The following RIMS1 variants were observed in gnomAD, a reference collection of about 807,000 sequenced individuals.
RIMS1 encodes regulating synaptic membrane exocytosis 1, also known as regulating synaptic membrane exocytosis protein 1.
A neutral mutation model predicts 214.1 loss-of-function variants in RIMS1; 83 were observed. The ratio of observed to expected loss-of-function variants is 0.39; its 90% CI spans 0.32 to 0.47. The LOEUF is 0.47. RIMS1 is among the 20% of genes least tolerant of loss of function. The pLI, the probability that RIMS1 is intolerant of heterozygous loss-of-function variation, is 0.99. For synonymous variants in RIMS1, 793 were observed against 786.8 expected, an observed-to-expected ratio of 1.01 and a Z score of -0.13; for missense variants, 2,050 against 2,161.8, an observed-to-expected ratio of 0.95 and a Z score of 1.03.
At chr6:71,979,065 T>C (rs181465382) in intron 2 of RIMS1, among the ~76,000 whole-genome samples, 2 of 152,226 alleles carry the variant, frequency 1.3e-5, no homozygotes, top group African/African-American at 4.8e-5. Flanking sequence ...CAAAGCCCCT[T>C]GTTCTGCCAT....
chr6:71,995,652 C>T (rs1024307275), intron 2 of RIMS1, among the ~76,000 whole-genome samples: 2 of 152,132 alleles, frequency 1.3e-5, no homozygotes, highest in Non-Finnish European at 2.9e-5. Context: ...AGTCCAACAT[C>T]AGTTTCTTCT....
chr6:72,201,856 T>C (rs1309191541), intron 6 of RIMS1, among the ~76,000 whole-genome samples: 2 of 152,200 alleles, frequency 1.3e-5, no homozygotes, highest in Non-Finnish European at 2.9e-5. Context: ...TGCCCAAGTC[T>C]TCAGAACTGA....
chr6:72,300,334 G>A (rs1198184748), intron 26 of RIMS1, among the ~76,000 whole-genome samples: 1 of 151,782 alleles, frequency 6.6e-6, no homozygotes, highest in South Asian at 2.1e-4. Flanking sequence ...TCTAACCATG[G>A]ACAGGCTCTT....
intron 22 of RIMS1, among the ~76,000 whole-genome samples, chr6:72,270,861 C>T (rs1478775427): frequency 1.3e-5 from 2 of 152,144 alleles, no homozygotes; most frequent in African/African-American, 2.4e-5. Context: ...TGAGGAAAGG[C>T]TTACTTGAAT....
intron 29 of RIMS1, among the ~76,000 whole-genome samples, chr6:72,384,598 G>C (rs2098553011): frequency 6.6e-6 from 1 of 152,056 alleles, no homozygotes; most frequent in Non-Finnish European, 1.5e-5. Flanking sequence ...TGACAGTCCT[G>C]ATTTTCTTCT....
intron 6 of RIMS1, among the ~76,000 whole-genome samples, chr6:72,208,196 G>A (rs1028024773): frequency 9.2e-5 from 14 of 152,254 alleles, no homozygotes; most frequent in African/African-American, 3.4e-4. Context: ...AACCGTGGGT[G>A]AAAACAAAAA....
At chr6:72,103,664 G>A (rs565125506) in intron 4 of RIMS1, among the ~76,000 whole-genome samples, 2 of 152,098 alleles carry the variant, frequency 1.3e-5, no homozygotes, top group Admixed American at 6.6e-5. Context: ...CAAATCTTAC[G>A]TTTATGTATC....
At chr6:72,343,492 C>CTTTTTTTT (rs764125827) in intron 29 of RIMS1, among the ~76,000 whole-genome samples, 542 of 57,230 alleles carry the variant, frequency 9.5e-3, no homozygotes, top group Non-Finnish European at 0.011. Flanking sequence ...TCTTCTTCTT[C>CTTTTTTTT]TTTTTTTTTT....
chr6:72,348,671 A>G (rs1280394227), intron 29 of RIMS1, among the ~76,000 whole-genome samples: 1 of 151,844 alleles, frequency 6.6e-6, no homozygotes, highest in African/African-American at 2.4e-5. Context: ...TAGTGTACCC[A>G]TCACCCAAAT....
Position 72,284,212 on chromosome 6 carries a change from A to T in RIMS1, c.3554+94A>T. ...CATTTTACATGATCAGTTCTTAAACACAAATTGTGATGTTTAAAGGCATTC... is the reference window on the plus strand; with the variant it reads ...CATTTTACATGATCAGTTCTTAAACTCAAATTGTGATGTTTAAAGGCATTC... On this transcript the variant is annotated intron_variant, in intron 24 of 33. Coordinates refer to ENST00000521978, the MANE Select transcript of RIMS1 (RefSeq NM_014989.7). The T allele has an allele frequency of 2.9e-6, 3 of 1,039,090 alleles. No homozygotes were observed. In the East Asian group the frequency reaches 7.3e-5, roughly 25 times the overall value. 64.4% of individuals were successfully genotyped at this position (1,039,090 alleles called of 1,614,324 possible).
intron 2 of RIMS1, among the ~76,000 whole-genome samples, chr6:72,056,895 T>C (rs117117277): frequency 0.014 from 2,088 of 152,322 alleles, 26 homozygotes; most frequent in Middle Eastern, 0.037. Flanking sequence ...ACCTAGATTC[T>C]AAAATAATTC....
intron 1 of RIMS1, among the ~76,000 whole-genome samples, chr6:71,945,984 A>G (rs561565159): frequency 4.6e-5 from 7 of 152,152 alleles, no homozygotes; most frequent in African/African-American, 1.7e-4. Flanking sequence ...AACTGTTTGA[A>G]CTGATGAATG....
At chr6:72,327,161 T>A (rs2096502141) in intron 28 of RIMS1, among the ~76,000 whole-genome samples, 1 of 151,750 alleles carries the variant, frequency 6.6e-6, no homozygotes, top group South Asian at 2.1e-4. Flanking sequence ...ATACATAAAA[T>A]AATGATGTGT....
intron 1 of RIMS1, among the ~76,000 whole-genome samples, chr6:71,958,025 G>A (rs1249817333): frequency 6.6e-6 from 1 of 152,118 alleles, no homozygotes; most frequent in African/African-American, 2.4e-5. Flanking sequence ...TCAAGATGTT[G>A]TTATTTAACC....
intron 16 of RIMS1, among the ~76,000 whole-genome samples, chr6:72,257,023 T>G (rs748631197): frequency 1.3e-5 from 2 of 152,044 alleles, no homozygotes; most frequent in Non-Finnish European, 2.9e-5. Context: ...AGATCATGGA[T>G]TCACAATATA....
intron 6 of RIMS1, among the ~76,000 whole-genome samples, chr6:72,225,831 T>C (rs1008446752): frequency 6.6e-6 from 1 of 152,212 alleles, no homozygotes; most frequent in African/African-American, 2.4e-5. Flanking sequence ...ACAAAACAAG[T>C]ATCCCTAAGA....
At chr6:72,073,831 C>A (rs1831147467) in intron 2 of RIMS1, among the ~76,000 whole-genome samples, 1 of 152,182 alleles carries the variant, frequency 6.6e-6, no homozygotes, top group South Asian at 2.1e-4. Flanking sequence ...CTATGAATAT[C>A]ACTATAGCTA....
At chr6:72,065,334 A>G (rs1468161453) in intron 2 of RIMS1, among the ~76,000 whole-genome samples, 1 of 152,212 alleles carries the variant, frequency 6.6e-6, no homozygotes, top group Admixed American at 6.5e-5. Context: ...ACAACATCCC[A>G]TCGATATCTG....
chr6:72,397,561 T>C (rs1180032889), intron 31 of RIMS1, among the ~76,000 whole-genome samples: 1 of 152,160 alleles, frequency 6.6e-6, no homozygotes, highest in African/African-American at 2.4e-5. Context: ...CTATTAGATA[T>C]GAAAATTTAA....
Sources: gnomAD v4.1 joint callset for allele counts (sites outside exome capture counted in the v4.1 genomes callset) on GRCh38, gnomAD v4.1.1 for gene constraint, MANE v1.5 for transcripts, NCBI Gene and HGNC (gene_info 2026-07-23, HGNC 2026-07-21) for gene names.